The following PAX5 variants were observed in gnomAD, a reference collection of about 807,000 sequenced individuals.
The protein encoded by PAX5 is paired box 5, also known as paired box protein Pax-5.
In PAX5, 9 loss-of-function variants were observed where a neutral mutation model predicts 43.7. The ratio of observed to expected loss-of-function variants is 0.21; its 90% CI spans 0.12 to 0.36. The LOEUF is 0.36. PAX5 is among the 10% of genes least tolerant of loss of function. The probability of loss-of-function intolerance (pLI) is 1.00; values close to 1 mark genes in which losing one functional copy is unlikely to be tolerated. For synonymous variants in PAX5, 228 were observed against 214.3 expected, an observed-to-expected ratio of 1.06 and a Z score of -0.56; for missense variants, 383 against 532.7, an observed-to-expected ratio of 0.72 and a Z score of 2.77.
intron 6 of PAX5, chr9:36,930,807 G>A: frequency 7.7e-7 from 1 of 1,294,690 alleles, no homozygotes. Flanking sequence ...GAGAGGTTCA[G>A]GAATTCTAGC....
At chr9:36,955,288 T>G (rs778289191) in intron 6 of PAX5, among the ~76,000 whole-genome samples, 88 of 152,348 alleles carry the variant, frequency 5.8e-4, no homozygotes, top group Non-Finnish European at 1.8e-4. Flanking sequence ...GTAGTTATTA[T>G]TTATTCTGTA....
Position 36,890,237 on chromosome 9 carries a change from G to A in PAX5, c.911-8132C>T, listed in dbSNP as rs537500742. On this transcript the variant is annotated intron_variant, in intron 7 of 9. Coordinates refer to ENST00000358127, the MANE Select transcript of PAX5 (RefSeq NM_016734.3). ...GAGAAAGAAGGAAGCAAGCCATCGAGCAGCCATTAATTATTGTGAACAAGA... is the reference window on the plus strand; with the variant it reads ...GAGAAAGAAGGAAGCAAGCCATCGAACAGCCATTAATTATTGTGAACAAGA... Among the ~76,000 whole-genome samples the A allele has an allele frequency of 2.6e-5, 4 of 152,148 alleles. No individual in the cohort carries two copies. The East Asian group carries it at 7.7e-4, about 29-fold the overall frequency.
intron 7 of PAX5, among the ~76,000 whole-genome samples, chr9:36,885,518 A>C (rs1826837862): frequency 6.6e-6 from 1 of 152,294 alleles, no homozygotes; most frequent in Non-Finnish European, 1.5e-5. Context: ...CCTATTAGAG[A>C]GCTACTATGA....
chr9:37,034,234 A>C lies in PAX5; in HGVS notation c.-203T>G, dbSNP rs1841322846. On this transcript the variant is annotated 5_prime_UTR_variant, in exon 1 of 10. Transcript: ENST00000358127. ...AACTAAACGTTTTAGGTGGAAAAAA[A>C]GCGTCCGAAGGCACCGTGAAATGAT... 2 of 568,606 alleles carry C rather than the reference A, an allele frequency of 3.5e-6. No individual in the cohort carries two copies. Among genetic ancestry groups the C allele is most frequent in the Admixed American group, 3.1e-5 (1 of 32,444 alleles). 35.2% of individuals were successfully genotyped at this position (568,606 alleles called of 1,614,324 possible). A position where few individuals can be genotyped will look rare whatever the true frequency, so the allele number is the denominator to read the frequency against.
Position 36,881,994 on chromosome 9 carries a change from G to A in PAX5, c.1012+10C>T, listed in dbSNP as rs760165632. The A allele has an allele frequency of 1.9e-6, 3 of 1,603,044 alleles. No homozygotes were observed. Among genetic ancestry groups the A allele is most frequent in the Non-Finnish European group, 2.6e-6 (3 of 1,173,920 alleles). On this transcript the variant is annotated intron_variant, in intron 8 of 9. Transcript: ENST00000358127. ...TGCCTGCTGTGGAGACGCCGACAGTGCAAACTCACCAGGCACCATCCCTGT... is the reference window on the plus strand; with the variant it reads ...TGCCTGCTGTGGAGACGCCGACAGTACAAACTCACCAGGCACCATCCCTGT...
intron 1 of PAX5, among the ~76,000 whole-genome samples, chr9:37,027,912 A>G (rs951771173): frequency 1.1e-4 from 16 of 152,214 alleles, no homozygotes; most frequent in Admixed American, 4.6e-4. Context: ...CGGCGGCGCC[A>G]CGTTCATTGA....
intron 6 of PAX5, among the ~76,000 whole-genome samples, chr9:36,936,097 A>G (rs1563985838): frequency 1.3e-5 from 2 of 152,232 alleles, no homozygotes; most frequent in Admixed American, 6.5e-5. Context: ...CCTTCCCTTA[A>G]CCAGTGTGCT....
chr9:36,849,801 A>C (rs528929829), intron 8 of PAX5, among the ~76,000 whole-genome samples: 1 of 152,286 alleles, frequency 6.6e-6, no homozygotes, highest in East Asian at 1.9e-4. Context: ...CCCCTGCCCT[A>C]TGAGAGCAAT....
At chr9:36,848,483 G>A (rs533470871) in intron 8 of PAX5, among the ~76,000 whole-genome samples, 96 of 152,136 alleles carry the variant, frequency 6.3e-4, no homozygotes, top group Non-Finnish European at 1.2e-3. Context: ...CAGGGTGTCA[G>A]GTTCTGGCAT....
At chr9:36,932,581 T>A (rs1224429293) in intron 6 of PAX5, among the ~76,000 whole-genome samples, 2 of 152,208 alleles carry the variant, frequency 1.3e-5, no homozygotes, top group African/African-American at 4.8e-5. Flanking sequence ...GATCAGAGAT[T>A]AACTATAAAC....
intron 5 of PAX5, among the ~76,000 whole-genome samples, chr9:36,967,583 A>C (rs1315763257): frequency 2.0e-5 from 3 of 152,222 alleles, no homozygotes; most frequent in Admixed American, 2.0e-4. Flanking sequence ...AAAATAAAAA[A>C]CAAGGTACAG....
chr9:36,994,601 T>A (rs1236240191), intron 5 of PAX5, among the ~76,000 whole-genome samples: 1 of 152,194 alleles, frequency 6.6e-6, no homozygotes. Flanking sequence ...TCTTTAGAGT[T>A]CATGCTAAGA....
At chr9:36,985,428 A>G (rs1215962671) in intron 5 of PAX5, among the ~76,000 whole-genome samples, 1 of 152,240 alleles carries the variant, frequency 6.6e-6, no homozygotes, top group Non-Finnish European at 1.5e-5. Flanking sequence ...CTGCAACCAG[A>G]GGGAAAGCAA....
chr9:36,852,323 G>A (rs1020340937), intron 8 of PAX5, among the ~76,000 whole-genome samples: 2 of 152,226 alleles, frequency 1.3e-5, no homozygotes, highest in African/African-American at 4.8e-5. Context: ...AGAACCGGAA[G>A]GGATTGGTGA....
chr9:36,904,965 A>T (rs1828700022), intron 7 of PAX5, among the ~76,000 whole-genome samples: 1 of 152,228 alleles, frequency 6.6e-6, no homozygotes, highest in Non-Finnish European at 1.5e-5. Context: ...GACACAAAGA[A>T]TTATAAATCA....
chr9:36,976,024 G>A (rs148557051), intron 5 of PAX5, among the ~76,000 whole-genome samples: 177 of 152,276 alleles, frequency 1.2e-3, no homozygotes, highest in African/African-American at 4.1e-3. Flanking sequence ...ACAGTCGCTG[G>A]TATCATCAGA....
At chr9:36,963,579 G>C (rs545133944) in intron 6 of PAX5, among the ~76,000 whole-genome samples, 1 of 152,224 alleles carries the variant, frequency 6.6e-6, no homozygotes, top group African/African-American at 2.4e-5. Context: ...CCCAGCCCAC[G>C]TTCAGGGAAG....
intron 5 of PAX5, among the ~76,000 whole-genome samples, chr9:36,976,590 T>A (rs1835448646): frequency 6.6e-6 from 1 of 152,006 alleles, no homozygotes; most frequent in Non-Finnish European, 1.5e-5. Context: ...ATTTTCTAAA[T>A]CCTGTCCTAA....
intron 8 of PAX5, among the ~76,000 whole-genome samples, chr9:36,867,261 C>T (rs544424141): frequency 6.6e-6 from 1 of 152,278 alleles, no homozygotes; most frequent in South Asian, 2.1e-4. Flanking sequence ...CTGCTTCAAC[C>T]CAAGACTCTT....
Sources: gnomAD v4.1 joint callset for allele counts (sites outside exome capture counted in the v4.1 genomes callset) on GRCh38, gnomAD v4.1.1 for gene constraint, MANE v1.5 for transcripts, NCBI Gene and HGNC (gene_info 2026-07-23, HGNC 2026-07-21) for gene names.